NDEL1: variants seen among roughly 807,000 people sequenced by gnomAD.
NDEL1 encodes the protein nudE neurodevelopment protein 1 like 1, also known as nuclear distribution protein nudE-like 1.
NDEL1 carries 9 observed loss-of-function variants against 45.7 expected under a neutral mutation model. The observed-to-expected ratio is 0.20, with a 90% CI of 0.12 to 0.34. The LOEUF (loss-of-function observed/expected upper bound fraction) is 0.34. Among genes scored for constraint, NDEL1 ranks in the 10% least tolerant of loss-of-function variants. The pLI is 1.00. For synonymous variants in NDEL1, 133 were observed against 158.6 expected, an observed-to-expected ratio of 0.84 and a Z score of 1.21; for missense variants, 306 against 406.2, an observed-to-expected ratio of 0.75 and a Z score of 2.12.
downstream of NDEL1, among the ~76,000 whole-genome samples, chr17:8,470,921 C>T (rs558971907): frequency 2.0e-5 from 3 of 152,298 alleles, no homozygotes; most frequent in Admixed American, 6.5e-5. This position sits in a 1 kb window ranked among gnomAD's most constrained non-coding sequence, Gnocchi z 4.2. Context: ...GCCACTAGTG[C>T]GCATCTCCTG....
chr17:8,463,255 T>C, intron 8 of NDEL1: 1 of 1,411,832 alleles, frequency 7.1e-7, no homozygotes, highest in Non-Finnish European at 1.0e-6. Context: ...ATGGACTAAT[T>C]TTAGGGCGTG....
Position 8,428,725 on chromosome 17 carries a change from C to CT in NDEL1, c.-13+15457dup, listed in dbSNP as rs1908920821. On this transcript the variant is annotated intron_variant, in intron 1 of 4. Transcript: ENST00000582812. ...TGGAGTCTCTTTCACCCAGGCCAGA[C>CT]TGCAGTGGCATGATCTCGGCTCACT... Among the ~76,000 whole-genome samples the CT allele has an allele frequency of 2.0e-5, 3 of 149,616 alleles. No homozygotes were observed. The South Asian group carries it at 6.4e-4, about 32-fold the overall frequency.
At chr17:8,442,093 G>T (rs1397643939) in intron 1 of NDEL1, among the ~76,000 whole-genome samples, 1 of 152,108 alleles carries the variant, frequency 6.6e-6, no homozygotes, top group Non-Finnish European at 1.5e-5. Flanking sequence ...ATGATTTGAG[G>T]TAGCTAGTGT....
chr17:8,471,684 C>T (rs529996203), downstream of NDEL1, among the ~76,000 whole-genome samples: 1 of 152,304 alleles, frequency 6.6e-6, no homozygotes, highest in South Asian at 2.1e-4. Flanking sequence ...ATAGTGAATG[C>T]CTTTGAAAAG....
chr17:8,466,679 T>TG (rs1269765763), intron 8 of NDEL1: 1 of 527,496 alleles, frequency 1.9e-6, no homozygotes, highest in Admixed American at 3.6e-5. Context: ...ATCAGGACTG[T>TG]GGCTTCCGTG....
At chr17:8,463,497 C>T (rs983679639) in intron 8 of NDEL1, 65 of 675,604 alleles carry the variant, frequency 9.6e-5, no homozygotes, top group Non-Finnish European at 6.1e-5. Flanking sequence ...TGAACTTTCA[C>T]GGTCCTGTTC....
At chr17:8,459,817 T>C (rs557698425) in intron 7 of NDEL1, among the ~76,000 whole-genome samples, 192 bp from the exon 8 acceptor site, 1 of 152,334 alleles carries the variant, frequency 6.6e-6, no homozygotes, top group South Asian at 2.1e-4. Context: ...CAAAATATTC[T>C]GAGGTCATTA....
chr17:8,414,797 G>T (rs1263870994), intron 1 of NDEL1, among the ~76,000 whole-genome samples: 1 of 152,088 alleles, frequency 6.6e-6, no homozygotes, highest in Non-Finnish European at 1.5e-5. Context: ...TGGGATTACA[G>T]GCTTGAGCCA....
At chr17:8,452,942 T>A (rs1004550150) in intron 6 of NDEL1, among the ~76,000 whole-genome samples, 2 of 152,066 alleles carry the variant, frequency 1.3e-5, no homozygotes, top group African/African-American at 4.8e-5. Flanking sequence ...TTTCACCATG[T>A]TGGTCAGGCC....
downstream of NDEL1, among the ~76,000 whole-genome samples, chr17:8,470,047 A>G (rs1911799002): frequency 6.6e-6 from 1 of 151,730 alleles, no homozygotes. The surrounding 1 kb of genome is among the most constrained non-coding windows in gnomAD (Gnocchi z 4.2). Context: ...GCTCTTGGCA[A>G]ATGATCCCCC....
At chr17:8,417,654 A>G (rs1908584741) in intron 1 of NDEL1, among the ~76,000 whole-genome samples, 1 of 152,158 alleles carries the variant, frequency 6.6e-6, no homozygotes, top group Non-Finnish European at 1.5e-5. Context: ...GAATGCTCCA[A>G]TCTCCTGCCT....
intron 3 of NDEL1, chr17:8,446,086 T>C (rs1910063458): frequency 2.8e-6 from 1 of 356,410 alleles, no homozygotes; most frequent in Non-Finnish European, 4.9e-6. Flanking sequence ...CTTTTCTAGC[T>C]ATAATGTTCC....
At chr17:8,434,490 G>A (rs56872357), upstream of NDEL1, among the ~76,000 whole-genome samples, 721 of 152,112 alleles carry the variant, frequency 4.7e-3, 8 homozygotes, top group African/African-American at 0.017. Flanking sequence ...GTGCTGCAGC[G>A]CCTGGCCGAA....
upstream of NDEL1, among the ~76,000 whole-genome samples, chr17:8,434,143 G>C (rs541758061): frequency 6.6e-6 from 1 of 152,326 alleles, no homozygotes; most frequent in Non-Finnish European, 1.5e-5. Context: ...ATTGCGTGCC[G>C]CATGGAGGCT....
chr17:8,422,077 T>C lies in NDEL1; in HGVS notation c.-13+8808T>C, dbSNP rs1597512069. Among the ~76,000 whole-genome samples, 7 of 152,318 alleles carry C rather than the reference T, an allele frequency of 4.6e-5. No homozygotes were observed. The South Asian group carries it at 1.0e-3, about 23-fold the overall frequency. On this transcript the variant is annotated intron_variant, in intron 1 of 4. Transcript: ENST00000582812. ...AGGCATGGCTGGGTTCTCACACCAG[T>C]GTGGGAGCCCTGAGAAAAGGTGGTG...
chr17:8,429,941 G>T (rs112142221), intron 1 of NDEL1, among the ~76,000 whole-genome samples: 87 of 152,194 alleles, frequency 5.7e-4, no homozygotes, highest in African/African-American at 2.0e-3. Context: ...TTTGGATTAT[G>T]GGCGATGTGG....
intron 1 of NDEL1, chr17:8,436,541 G>A (rs1361156824): frequency 1.3e-5 from 2 of 152,364 alleles, no homozygotes; most frequent in Non-Finnish European, 2.9e-5. Flanking sequence ...GCCCACGTTG[G>A]GCTCGGATTG....
intron 1 of NDEL1, among the ~76,000 whole-genome samples, chr17:8,425,680 G>A (rs1410460886): frequency 6.6e-6 from 1 of 151,956 alleles, no homozygotes; most frequent in Non-Finnish European, 1.5e-5. Context: ...ATAAGTCATG[G>A]CCGCTGCCCT....
intron 8 of NDEL1, among the ~76,000 whole-genome samples, chr17:8,462,133 A>C (rs1472114016): frequency 6.6e-6 from 1 of 151,676 alleles, no homozygotes; most frequent in Non-Finnish European, 1.5e-5. Flanking sequence ...AGAGCATCCG[A>C]GATGTAAGTG....
Sources: gnomAD v4.1 joint callset for allele counts (sites outside exome capture counted in the v4.1 genomes callset) on GRCh38, gnomAD v4.1.1 for gene constraint, Gnocchi (gnomAD v3.1) non-coding constraint, MANE v1.5 for transcripts, NCBI Gene and HGNC (gene_info 2026-07-23, HGNC 2026-07-21) for gene names.